The following TMEM117 variants were observed in gnomAD, a reference collection of about 807,000 sequenced individuals.
TMEM117 encodes transmembrane protein 117.
In TMEM117, 27 loss-of-function variants were observed where a neutral mutation model predicts 52.4. That is an observed-to-expected ratio of 0.51 (90% CI 0.38 to 0.71). The LOEUF (loss-of-function observed/expected upper bound fraction) is 0.71. TMEM117 is among the 30% of genes least tolerant of loss of function. The pLI is 0.00. For synonymous variants in TMEM117, 215 were observed against 206.3 expected (o/e 1.04, Z -0.36); for missense variants, 556 against 630.5 (o/e 0.88, Z 1.26).
chr12:43,896,734 C>T (rs1164241669), intron 2 of TMEM117, among the ~76,000 whole-genome samples: 2 of 152,174 alleles, frequency 1.3e-5, no homozygotes, highest in Admixed American at 6.5e-5. Context: ...TGACTCCTCC[C>T]TCACTACAGT....
chr12:44,018,602 A>T (rs1440021452), intron 3 of TMEM117, among the ~76,000 whole-genome samples: 1 of 152,202 alleles, frequency 6.6e-6, no homozygotes, highest in East Asian at 1.9e-4. Context: ...TTCTGCTATT[A>T]TGAATTCCTT....
intron 3 of TMEM117, among the ~76,000 whole-genome samples, chr12:44,042,871 G>T (rs1946824758): frequency 6.6e-6 from 1 of 151,674 alleles, no homozygotes; most frequent in Non-Finnish European, 1.5e-5. Context: ...AGGAGTAGTT[G>T]TAGAGGAACA....
chr12:43,891,292 C>T (rs543180743), intron 2 of TMEM117, among the ~76,000 whole-genome samples: 1 of 150,778 alleles, frequency 6.6e-6, no homozygotes, highest in Admixed American at 6.6e-5. Context: ...ATTGAGCTTA[C>T]AGTCTTAACT....
At chr12:43,827,680 AT>A in the TMEM117 span, among the ~76,000 whole-genome samples, 2 of 152,230 alleles carry the variant, frequency 1.3e-5, no homozygotes, top group African/African-American at 4.8e-5. Context: ...TGACATATAG[AT>A]GAGGGATAGT....
intron 4 of TMEM117, among the ~76,000 whole-genome samples, chr12:44,164,179 C>A (rs1948934109): frequency 6.6e-6 from 1 of 152,054 alleles, no homozygotes; most frequent in Non-Finnish European, 1.5e-5. Flanking sequence ...AAACATACTT[C>A]TTTTTTTCTT....
At chr12:44,227,982 T>C (rs1433505921) in intron 5 of TMEM117, among the ~76,000 whole-genome samples, 1 of 152,020 alleles carries the variant, frequency 6.6e-6, no homozygotes, top group African/African-American at 2.4e-5. Flanking sequence ...GAAAGTTTAA[T>C]TGACAAGATG....
At chr12:43,865,136 G>A (rs1282284793) in intron 2 of TMEM117, among the ~76,000 whole-genome samples, 1 of 152,262 alleles carries the variant, frequency 6.6e-6, no homozygotes, top group East Asian at 1.9e-4. Flanking sequence ...CACTCACTGC[G>A]AGGGTCCGCG....
chr12:44,087,543 C>A (rs1947591725), intron 3 of TMEM117, among the ~76,000 whole-genome samples: 1 of 152,048 alleles, frequency 6.6e-6, no homozygotes, highest in Non-Finnish European at 1.5e-5. Context: ...CTTACTGTAG[C>A]CTCAATCTCT....
At chr12:44,338,171 TC>T (rs2138743331) in intron 6 of TMEM117, among the ~76,000 whole-genome samples, 1 of 152,216 alleles carries the variant, frequency 6.6e-6, no homozygotes, top group South Asian at 2.1e-4. Context: ...TAACACAATG[TC>T]CTGCTTTAAA....
chr12:44,185,527 G>A lies in TMEM117; in HGVS notation c.511-25763G>A, dbSNP rs144787501. 4.8e-4 allele frequency among the ~76,000 whole-genome samples: 73 copies of A among 152,126 alleles called. 2 individuals are homozygous for A. In the East Asian group the frequency reaches 0.014, roughly 29 times the overall value. ...TAACAAAACAAAGCAAAAATCGTTA[G>A]GAAAAGACATTGGTGCTTAAAAAAA... On this transcript the variant is annotated intron_variant, in intron 4 of 7. Coordinates refer to ENST00000266534, the MANE Select transcript of TMEM117 (RefSeq NM_032256.3).
At chr12:43,955,917 C>T (rs1008828208) in intron 3 of TMEM117, among the ~76,000 whole-genome samples, 2 of 152,186 alleles carry the variant, frequency 1.3e-5, no homozygotes, top group African/African-American at 4.8e-5. Context: ...GTAATCAAAA[C>T]AGCATGGTAC....
intron 2 of TMEM117, among the ~76,000 whole-genome samples, chr12:43,852,324 G>A (rs1049162743): frequency 6.6e-6 from 1 of 152,206 alleles, no homozygotes; most frequent in African/African-American, 2.4e-5. Flanking sequence ...CCAGCTAGTG[G>A]GGAGGCTGAG....
At chr12:43,846,990 T>C (rs899908382) in intron 2 of TMEM117, among the ~76,000 whole-genome samples, 2 of 152,168 alleles carry the variant, frequency 1.3e-5, no homozygotes, top group Non-Finnish European at 2.9e-5. Context: ...TGCACACATA[T>C]GTATAGATGC....
At chr12:44,354,823 A>G (rs902011417) in intron 6 of TMEM117, among the ~76,000 whole-genome samples, 2 of 152,074 alleles carry the variant, frequency 1.3e-5, no homozygotes, top group Non-Finnish European at 2.9e-5. Context: ...ATTAAAAAAA[A>G]AATCACTGAA....
At chr12:43,909,698 G>A (rs961733011) in intron 2 of TMEM117, among the ~76,000 whole-genome samples, 73 of 151,940 alleles carry the variant, frequency 4.8e-4, no homozygotes, top group African/African-American at 1.2e-3. Flanking sequence ...AACTACCATC[G>A]GAGAATACTA....
At chr12:44,349,283 A>G (rs1565742517) in intron 6 of TMEM117, among the ~76,000 whole-genome samples, 1 of 152,044 alleles carries the variant, frequency 6.6e-6, no homozygotes, top group Non-Finnish European at 1.5e-5. Flanking sequence ...CTCATTCTCC[A>G]GGGCTTCTGT....
chr12:43,953,201 G>A (rs1334654193), intron 3 of TMEM117, among the ~76,000 whole-genome samples: 1 of 152,008 alleles, frequency 6.6e-6, no homozygotes, highest in Non-Finnish European at 1.5e-5. Context: ...AAAACACACT[G>A]AAGTACACAG....
At chr12:43,917,830 A>G (rs995191828) in intron 2 of TMEM117, among the ~76,000 whole-genome samples, 2 of 152,126 alleles carry the variant, frequency 1.3e-5, no homozygotes, top group African/African-American at 4.8e-5. Flanking sequence ...GTGACCTTAC[A>G]ATCCCCTTGT....
At chr12:44,310,224 T>C (rs937345300) in intron 6 of TMEM117, among the ~76,000 whole-genome samples, 4 of 152,218 alleles carry the variant, frequency 2.6e-5, no homozygotes, top group Non-Finnish European at 5.9e-5. Flanking sequence ...TGGTTTTAAC[T>C]AAGAAAAACT....
Sources: allele counts gnomAD v4.1 joint callset (sites outside exome capture counted in the v4.1 genomes callset), GRCh38; gene constraint gnomAD v4.1.1; transcripts MANE v1.5; gene names NCBI Gene and HGNC (gene_info 2026-07-23, HGNC 2026-07-21).